Variants in PRTFDC1 observed in about 807,000 individuals in gnomAD.
PRTFDC1 encodes phosphoribosyl transferase domain containing 1.
PRTFDC1 carries 38 observed loss-of-function variants against 34.6 expected under a neutral mutation model. The observed-to-expected ratio is 1.10, with a 90% CI of 0.85 to 1.44. The LOEUF (loss-of-function observed/expected upper bound fraction) is 1.44. Among genes scored for constraint, PRTFDC1 ranks in the 40% most tolerant of loss-of-function variants. The probability of loss-of-function intolerance (pLI) is 0.00; values close to 1 mark genes in which losing one functional copy is unlikely to be tolerated. For missense variants in PRTFDC1, 270 were observed against 283.0 expected (o/e 0.95, Z 0.33); for synonymous variants, 93 against 98.1 (o/e 0.95, Z 0.31).
intron 8 of PRTFDC1, 68 bp downstream of exon 8, chr10:24,851,320 T>A (rs1847484403): frequency 6.4e-7 from 1 of 1,569,752 alleles, no homozygotes; most frequent in Admixed American, 2.0e-5. Flanking sequence ...CTAACACGCA[T>A]TCAATACTTT....
intron 1 of PRTFDC1, among the ~76,000 whole-genome samples, chr10:24,944,687 G>A (rs998440507): frequency 1.1e-4 from 16 of 152,232 alleles, no homozygotes; most frequent in Non-Finnish European, 2.1e-4. Context: ...GTAGGCCAAG[G>A]TAGGAGGATC....
chr10:24,897,773 A>T (rs1304288348), intron 3 of PRTFDC1, among the ~76,000 whole-genome samples: 1 of 152,258 alleles, frequency 6.6e-6, no homozygotes, highest in African/African-American at 2.4e-5. Flanking sequence ...GCTTTCTTTC[A>T]TGAATGACTG....
In PRTFDC1 at chr10:24,952,516, G is replaced by T; in HGVS notation, c.48+12C>A. Reference sequence around the variant, plus strand: ...AGCGGGCCGAGCCCCAAAATAGGGAGTTTGCATTTACCACGACGCCTCGCC... The same window carrying T: ...AGCGGGCCGAGCCCCAAAATAGGGATTTTGCATTTACCACGACGCCTCGCC... On this transcript the variant is annotated intron_variant, in intron 1 of 8. Transcript: ENST00000320152. The surrounding 1 kb of genome is among the most constrained non-coding windows in gnomAD (Gnocchi z 5.1). 2 of 1,583,500 alleles carry T rather than the reference G, an allele frequency of 1.3e-6. No homozygotes were observed. The highest frequency in any genetic ancestry group is 2.3e-5 in the South Asian group (2 of 86,462).
At chr10:24,924,234 A>G (rs1446660857) in intron 3 of PRTFDC1, among the ~76,000 whole-genome samples, 1 of 152,218 alleles carries the variant, frequency 6.6e-6, no homozygotes, top group Non-Finnish European at 1.5e-5. Flanking sequence ...ACTCTTCAGG[A>G]TATTACCCAG....
intron 4 of PRTFDC1, among the ~76,000 whole-genome samples, chr10:24,865,928 T>A (rs747984024): frequency 2.0e-5 from 3 of 152,214 alleles, no homozygotes; most frequent in Non-Finnish European, 4.4e-5. Flanking sequence ...ATTCACAAAA[T>A]TTCCAGAATC....
intron 3 of PRTFDC1, among the ~76,000 whole-genome samples, chr10:24,874,763 A>G (rs565462591): frequency 1.5e-4 from 23 of 152,280 alleles, no homozygotes; most frequent in Admixed American, 1.2e-3. Context: ...AACAATTACT[A>G]TATATATTTG....
chr10:24,872,752 GCA>G (rs1186434832), intron 3 of PRTFDC1, among the ~76,000 whole-genome samples: 1 of 141,168 alleles, frequency 7.1e-6, no homozygotes. Flanking sequence ...AAATATATGT[GCA>G]CACGTGTGTG....
chr10:24,889,327 G>A (rs1848223757), intron 3 of PRTFDC1, among the ~76,000 whole-genome samples: 1 of 151,952 alleles, frequency 6.6e-6, no homozygotes, highest in Non-Finnish European at 1.5e-5. Flanking sequence ...CTTGATCTGG[G>A]AATTCCCAGA....
intron 3 of PRTFDC1, among the ~76,000 whole-genome samples, chr10:24,911,223 T>G (rs1290881726): frequency 1.3e-5 from 2 of 152,236 alleles, no homozygotes; most frequent in South Asian, 2.1e-4. Context: ...CTTGAGCCCC[T>G]TTTTAATTGC....
chr10:24,886,432 C>T (rs1305191196), intron 3 of PRTFDC1, among the ~76,000 whole-genome samples: 3 of 152,174 alleles, frequency 2.0e-5, no homozygotes, highest in Admixed American at 6.5e-5. Context: ...ATTTCACATA[C>T]GACCCCATCT....
At chr10:24,857,809 G>T (rs527283364) in intron 5 of PRTFDC1, among the ~76,000 whole-genome samples, 1 of 152,126 alleles carries the variant, frequency 6.6e-6, no homozygotes, top group South Asian at 2.1e-4. Context: ...AAGGAAACGT[G>T]GCCATTTGCT....
At chr10:24,859,096 T>A (rs1588573489) in intron 4 of PRTFDC1, among the ~76,000 whole-genome samples, 1 of 152,142 alleles carries the variant, frequency 6.6e-6, no homozygotes, top group Non-Finnish European at 1.5e-5. Context: ...CGGGGCCTGG[T>A]GGGAGGTGAC....
intron 3 of PRTFDC1, among the ~76,000 whole-genome samples, chr10:24,893,481 T>G (rs1848299306): frequency 4.6e-5 from 7 of 152,222 alleles, no homozygotes; most frequent in Admixed American, 2.0e-4. Context: ...TTTTGTTTGT[T>G]GGTTTGTTTT....
intron 4 of PRTFDC1, among the ~76,000 whole-genome samples, chr10:24,866,939 A>G (rs1052081871): frequency 6.6e-6 from 1 of 151,844 alleles, no homozygotes; most frequent in African/African-American, 2.4e-5. Flanking sequence ...GAGATGAGAA[A>G]GAAAGGTAGT....
intron 4 of PRTFDC1, among the ~76,000 whole-genome samples, chr10:24,861,362 C>T (rs1847677347): frequency 6.6e-6 from 1 of 151,970 alleles, no homozygotes; most frequent in Admixed American, 6.6e-5. Context: ...ATTAGCTGGG[C>T]TTGGTGGCCA....
intron 3 of PRTFDC1, among the ~76,000 whole-genome samples, chr10:24,920,737 T>G (rs1347899458): frequency 2.0e-5 from 3 of 152,204 alleles, no homozygotes; most frequent in South Asian, 2.1e-4. Flanking sequence ...TTCTAGTAGA[T>G]GTATTCTGCA....
At chr10:24,860,490 C>T (rs1278953987) in intron 4 of PRTFDC1, among the ~76,000 whole-genome samples, 2 of 152,108 alleles carry the variant, frequency 1.3e-5, no homozygotes, top group Non-Finnish European at 2.9e-5. Context: ...CCAAACCAGC[C>T]GACCAACAAC....
chr10:24,929,608 A>G (rs1409171204), intron 3 of PRTFDC1, among the ~76,000 whole-genome samples: 1 of 152,212 alleles, frequency 6.6e-6, no homozygotes, highest in Non-Finnish European at 1.5e-5. Context: ...TATTTTGTAC[A>G]GAGGTTAGCT....
In PRTFDC1 at chr10:24,937,333, T is replaced by G; in HGVS notation, c.190A>C (p.Ile64Leu). Residue 64 changes from isoleucine (I) to leucine (L), a missense_variant, in exon 3 of 9, where the codon ATA becomes CTA. Transcript: ENST00000320152. ...AGGACCATGATGTCACTATATCCTA[T>G]GTCTTTCATAATATCCTTGGCCAGC... is the stretch of plus-strand genomic sequence containing the variant. ...ERLAKDIMKD[I>L]GYSDIMVLCV... 6.2e-7 allele frequency: 1 copy of G among 1,612,268 alleles called. No homozygotes were observed. The highest frequency in any genetic ancestry group is 8.5e-7 in the Non-Finnish European group (1 of 1,179,608).
Sources: allele counts gnomAD v4.1 joint callset (sites outside exome capture counted in the v4.1 genomes callset), GRCh38; gene constraint gnomAD v4.1.1; non-coding constraint Gnocchi (gnomAD v3.1); transcripts MANE v1.5; gene names NCBI Gene and HGNC (gene_info 2026-07-23, HGNC 2026-07-21).